CACNA2D3: variants seen among roughly 807,000 people sequenced by gnomAD.
CACNA2D3 encodes the protein calcium voltage-gated channel auxiliary subunit alpha2delta 3.
In CACNA2D3, 60 loss-of-function variants were observed where a neutral mutation model predicts 160.6. The observed-to-expected ratio is 0.37, with a 90% CI of 0.30 to 0.46. The LOEUF is 0.46. CACNA2D3 is among the 20% of genes least tolerant of loss of function. CACNA2D3 has a pLI of 1.00. For synonymous variants in CACNA2D3, 558 were observed against 492.9 expected (o/e 1.13, Z -1.75); for missense variants, 1,205 against 1,365.0 (o/e 0.88, Z 1.85).
At chr3:54,760,222 A>G (rs1184985272) in intron 12 of CACNA2D3, among the ~76,000 whole-genome samples, 1 of 93,842 alleles carries the variant, frequency 1.1e-5, no homozygotes, top group Non-Finnish European at 2.1e-5. Context: ...TCAGACAGGA[A>G]TGTCAGGGAG....
At chr3:54,646,782 A>G (rs1052606080) in intron 11 of CACNA2D3, among the ~76,000 whole-genome samples, 1 of 152,158 alleles carries the variant, frequency 6.6e-6, no homozygotes, top group Non-Finnish European at 1.5e-5. Flanking sequence ...CAGTAATGGG[A>G]TTGCTGGGTC....
At chr3:54,136,079 T>C (rs139167444) in intron 2 of CACNA2D3, among the ~76,000 whole-genome samples, 1,947 of 152,350 alleles carry the variant, frequency 0.013, 30 homozygotes, top group South Asian at 0.08. Context: ...TGTTCTAGTT[T>C]ATGCGGAAGG....
chr3:54,507,553 C>G (rs1453671320), intron 5 of CACNA2D3, among the ~76,000 whole-genome samples: 1 of 152,174 alleles, frequency 6.6e-6, no homozygotes, highest in Non-Finnish European at 1.5e-5. Flanking sequence ...CCTGTGCCTC[C>G]TGGGCTATGA....
intron 27 of CACNA2D3, among the ~76,000 whole-genome samples, chr3:54,907,719 T>G (rs1402317689): frequency 6.6e-6 from 1 of 152,218 alleles, no homozygotes; most frequent in African/African-American, 2.4e-5. Flanking sequence ...CACATACCTG[T>G]GCCTCAGAGC....
intron 9 of CACNA2D3, among the ~76,000 whole-genome samples, chr3:54,597,569 C>T (rs1702979346): frequency 6.6e-6 from 1 of 152,124 alleles, no homozygotes; most frequent in South Asian, 2.1e-4. Flanking sequence ...TACTAGATTT[C>T]TTGTCCTGCT....
chr3:55,057,862 C>A (rs1019981461), intron 35 of CACNA2D3, among the ~76,000 whole-genome samples: 4 of 151,922 alleles, frequency 2.6e-5, no homozygotes, highest in African/African-American at 9.7e-5. Context: ...AGATTTTTTT[C>A]CTATTTAGAA....
rs573931328 is a variant in CACNA2D3, at chr3:54,411,239, A to G, written c.381+24465A>G. Among the ~76,000 whole-genome samples, 4 of 152,352 alleles carry G rather than the reference A, an allele frequency of 2.6e-5. No individual in the cohort carries two copies. In the South Asian group the frequency reaches 8.3e-4, roughly 32 times the overall value. ...AGGAGGGATTTAGAATGTTTTATAA[A>G]GGTAGTTGATAAGGCAGCAGCAGGG... On this transcript the variant is annotated intron_variant, in intron 4 of 37. Coordinates refer to ENST00000474759, the MANE Select transcript of CACNA2D3 (RefSeq NM_018398.3).
chr3:54,709,481 C>A (rs1373030810), intron 11 of CACNA2D3, among the ~76,000 whole-genome samples: 2 of 152,128 alleles, frequency 1.3e-5, no homozygotes, highest in African/African-American at 4.8e-5. Context: ...CCCACTCAGC[C>A]TCCCGAGTAG....
intron 5 of CACNA2D3, among the ~76,000 whole-genome samples, chr3:54,511,776 G>A (rs573702150): frequency 6.6e-6 from 1 of 152,148 alleles, no homozygotes; most frequent in African/African-American, 2.4e-5. Context: ...TTTGTGAAAG[G>A]TTACAGTAAT....
chr3:54,218,279 T>G (rs972697091), intron 2 of CACNA2D3, among the ~76,000 whole-genome samples: 6 of 152,176 alleles, frequency 3.9e-5, no homozygotes, highest in African/African-American at 1.4e-4. Context: ...GGCGTGCAGG[T>G]GGACTGTGAC....
At chr3:54,276,125 C>T (rs922062557) in intron 2 of CACNA2D3, among the ~76,000 whole-genome samples, 1 of 152,146 alleles carries the variant, frequency 6.6e-6, no homozygotes, top group African/African-American at 2.4e-5. Flanking sequence ...GGTTGGCTGC[C>T]CACTGCACCC....
At chr3:54,972,139 C>T (rs1054991517) in intron 29 of CACNA2D3, among the ~76,000 whole-genome samples, 1 of 152,198 alleles carries the variant, frequency 6.6e-6, no homozygotes, top group African/African-American at 2.4e-5. Flanking sequence ...GCACAGGCTA[C>T]GACCTCTTGC....
At chr3:54,886,935 C>CTTTT (rs60899252) in intron 23 of CACNA2D3, among the ~76,000 whole-genome samples, 2 of 107,754 alleles carry the variant, frequency 1.9e-5, no homozygotes, top group African/African-American at 3.9e-5. Flanking sequence ...CAGCAAAGCT[C>CTTTT]TTTTTTTTTT....
At chr3:54,813,073 A>T (rs1703361213) in intron 13 of CACNA2D3, among the ~76,000 whole-genome samples, 1 of 152,192 alleles carries the variant, frequency 6.6e-6, no homozygotes, top group African/African-American at 2.4e-5. Context: ...GTCACCTGAA[A>T]TGTATCCTGC....
At chr3:54,916,705 G>A (rs1700670641) in intron 27 of CACNA2D3, among the ~76,000 whole-genome samples, 1 of 152,174 alleles carries the variant, frequency 6.6e-6, no homozygotes, top group Admixed American at 6.5e-5. Context: ...AGTAGGAAGT[G>A]ATAGGTTCAC....
At chr3:54,421,957 T>A (rs1699842118) in intron 4 of CACNA2D3, among the ~76,000 whole-genome samples, 1 of 152,076 alleles carries the variant, frequency 6.6e-6, no homozygotes, top group African/African-American at 2.4e-5. Context: ...ACCTCTCAGT[T>A]TTGTCCATTG....
At chr3:54,429,823 T>C (rs567538036) in intron 4 of CACNA2D3, among the ~76,000 whole-genome samples, 1 of 152,326 alleles carries the variant, frequency 6.6e-6, no homozygotes, top group Admixed American at 6.5e-5. Context: ...ATTTTTGAGG[T>C]AATTTTTAAA....
chr3:54,927,767 T>C (rs1701066323), intron 27 of CACNA2D3: 2 of 928,216 alleles, frequency 2.2e-6, no homozygotes, highest in Non-Finnish European at 3.5e-6. Context: ...AATCATTCCA[T>C]GCAGAGACAT....
At chr3:54,582,983 G>A (rs1316898810) in intron 9 of CACNA2D3, among the ~76,000 whole-genome samples, 1 of 152,184 alleles carries the variant, frequency 6.6e-6, no homozygotes. Context: ...GAGGAACCAA[G>A]TACACTGAAG....
Sources: allele counts gnomAD v4.1 joint callset (sites outside exome capture counted in the v4.1 genomes callset), GRCh38; gene constraint gnomAD v4.1.1; transcripts MANE v1.5; gene names NCBI Gene and HGNC (gene_info 2026-07-23, HGNC 2026-07-21).